The following ITPR3 variants were observed in gnomAD, a reference collection of about 807,000 sequenced individuals.
ITPR3 encodes the protein inositol 1,4,5-trisphosphate-gated calcium channel ITPR3.
In ITPR3, 173 loss-of-function variants were observed where a neutral mutation model predicts 293.2. The ratio of observed to expected loss-of-function variants is 0.59; its 90% CI spans 0.52 to 0.67. The LOEUF is 0.67. ITPR3 is among the 30% of genes least tolerant of loss of function. The pLI, the probability that ITPR3 is intolerant of heterozygous loss-of-function variation, is 0.00. For synonymous variants in ITPR3, 1,295 were observed against 1,444.4 expected, an observed-to-expected ratio of 0.90 and a Z score of 2.35; for missense variants, 2,796 against 3,592.1, an observed-to-expected ratio of 0.78 and a Z score of 5.66.
At chr6:33,641,919 T>C (rs1237709967) in intron 2 of ITPR3, among the ~76,000 whole-genome samples, 1 of 152,226 alleles carries the variant, frequency 6.6e-6, no homozygotes, top group Non-Finnish European at 1.5e-5. Flanking sequence ...TTTTTCTCTG[T>C]AGCATGAATC....
In ITPR3 at chr6:33,635,456, C is replaced by T. The variant is rs76227346; in HGVS notation, c.90-5028C>T. Among the ~76,000 whole-genome samples, 1,060 of 152,284 alleles carry T rather than the reference C, an allele frequency of 7.0e-3. 9 individuals carry two copies. The highest frequency in any genetic ancestry group is 0.011 in the Non-Finnish European group (735 of 68,022). On this transcript the variant is annotated intron_variant, in intron 1 of 57. Transcript: ENST00000605930. ...TTGTGTGTCCCCTCTCTGCACCAGACAGTGGTTTGGGTGCTGAGGATACGG... is the reference window on the plus strand; with the variant it reads ...TTGTGTGTCCCCTCTCTGCACCAGATAGTGGTTTGGGTGCTGAGGATACGG...
At chr6:33,694,563 GAGGA>G (rs377125407) in intron 56 of ITPR3, 12 of 262,906 alleles carry the variant, frequency 4.6e-5, no homozygotes, top group Non-Finnish European at 5.9e-5. Flanking sequence ...AGGCGGGCGG[GAGGA>G]AGGAAGGAAG....
In ITPR3 at chr6:33,671,398, C is replaced by T. The variant is rs369878572; in HGVS notation, c.2728+92C>T. The T allele has an allele frequency of 7.0e-5, 60 of 859,014 alleles. 1 individual carries two copies. In the African/African-American group the frequency reaches 8.4e-4, roughly 12 times the overall value. 53.2% of individuals were successfully genotyped at this position (859,014 alleles called of 1,614,324 possible). On this transcript the variant is annotated intron_variant, in intron 21 of 57. Coordinates refer to ENST00000605930, the MANE Select transcript of ITPR3 (RefSeq NM_002224.4). ...CTCAGATCAACACCTTCCCCAGCCCCGCATTCCCCCCACCCAACCTGGCTC... is the reference window on the plus strand; with the variant it reads ...CTCAGATCAACACCTTCCCCAGCCCTGCATTCCCCCCACCCAACCTGGCTC...
chr6:33,654,005 C>T lies in ITPR3; in HGVS notation c.161-1761C>T, dbSNP rs1422651396. ...ACTCTCTGCCGGGCGTGGTGGCTCA[C>T]GCCTGTAATCCCAGCACTTTTGTAG... On this transcript the variant is annotated intron_variant, in intron 2 of 57. Transcript: ENST00000605930. This position sits in a 1 kb window ranked among gnomAD's most constrained non-coding sequence, Gnocchi z 4.1. Among the ~76,000 whole-genome samples the T allele has an allele frequency of 2.6e-5, 4 of 152,182 alleles. No individual in the cohort carries two copies. Among genetic ancestry groups the T allele is most frequent in the African/African-American group, 4.8e-5 (2 of 41,434 alleles).
In ITPR3 at chr6:33,692,936, G is replaced by A. The variant is rs750358084; in HGVS notation, c.7624+43G>A. On this transcript the variant is annotated intron_variant, in intron 55 of 57. Transcript: ENST00000605930. This position sits in a 1 kb window ranked among gnomAD's most constrained non-coding sequence, Gnocchi z 4.2. ...CTCTGTGGAGGCCGCAGCGGGGCTGGAACGTCATCTGATGCCAGTGGCAGT... is the reference window on the plus strand; with the variant it reads ...CTCTGTGGAGGCCGCAGCGGGGCTGAAACGTCATCTGATGCCAGTGGCAGT... The A allele has an allele frequency of 1.2e-6, 2 of 1,601,014 alleles. No individual in the cohort carries two copies. The highest frequency in any genetic ancestry group is 1.1e-5 in the South Asian group (1 of 89,746).
rs1765137481 is a variant in ITPR3 at position 33,683,486 on chromosome 6, G to A, written c.4788+89G>A. The A allele has an allele frequency of 8.6e-7, 1 of 1,165,832 alleles. No homozygotes were observed. 72.2% of individuals were successfully genotyped at this position (1,165,832 alleles called of 1,614,324 possible). A position where few individuals can be genotyped will look rare whatever the true frequency, so the allele number is the denominator to read the frequency against. On this transcript the variant is annotated intron_variant, in intron 35 of 57. Coordinates refer to ENST00000605930, the MANE Select transcript of ITPR3 (RefSeq NM_002224.4). The surrounding 1 kb of genome is among the most constrained non-coding windows in gnomAD (Gnocchi z 4.5). The stretch of plus-strand genomic sequence containing the variant: ...CTTTGGAGGGGCAAGTTCTCGGGGA[G>A]TGTTTCTTCCTGTCCTGCCCACACT...
chr6:33,690,014 T>C lies in ITPR3; in HGVS notation c.6868-20T>C, dbSNP rs771037060. ...ATAGGTGGTAGGGTGCTGACTCTCA[T>C]GCCTTGCACTCGCCCCCAGCTGACC... On this transcript the variant is annotated intron_variant, in intron 50 of 57. Coordinates refer to ENST00000605930, the MANE Select transcript of ITPR3 (RefSeq NM_002224.4). The C allele has an allele frequency of 1.2e-6, 2 of 1,613,976 alleles. No homozygotes were observed.
rs2127321157 is a variant in ITPR3 at position 33,691,575 on chromosome 6, G to A, written c.7226-40G>A. On this transcript the variant is annotated intron_variant, in intron 52 of 57. Transcript: ENST00000605930. This position sits in a 1 kb window ranked among gnomAD's most constrained non-coding sequence, Gnocchi z 4.9. ...GGACAGAGCCAGGGGATAAGGCCAG[G>A]CACTGGACCTCCTGATGATCTCATC... 1 of 1,549,354 alleles carries A rather than the reference G, an allele frequency of 6.5e-7. No homozygotes were observed. The highest frequency in any genetic ancestry group is 8.9e-7 in the Non-Finnish European group (1 of 1,123,202).
intron 56 of ITPR3, 69 bp from the exon 57 acceptor site, chr6:33,694,855 C>T: frequency 1.3e-6 from 2 of 1,594,250 alleles, no homozygotes; most frequent in South Asian, 2.2e-5. Context: ...CCCCACATTA[C>T]TGTTTTTCTA....
At position 33,663,828 on chromosome 6, in the gene ITPR3, C is replaced by T; in HGVS notation, c.1096C>T (p.Leu366Phe). Reference protein sequence around the residue: ...AVPHGNDIASLFELDPTTLQK... With the variant: ...AVPHGNDIASFFELDPTTLQK... ...GCCTCATGGCAATGACATCGCCTCT[C>T]TCTTTGAGCTGGACCCCACCACCTT... is the stretch of plus-strand genomic sequence containing the variant. The change falls in exon 11 of 58, where the codon CTC becomes TTC. Residue 366 changes from leucine to phenylalanine, a missense_variant. This residue lies in a region of ITPR3 where 955 missense variants were observed against 1,180.8 expected (regional missense o/e 0.81). Transcript: ENST00000605930. 2 of 1,614,164 alleles carry T rather than the reference C, an allele frequency of 1.2e-6. No individual in the cohort carries two copies. Among genetic ancestry groups the T allele is most frequent in the Non-Finnish European group, 1.7e-6 (2 of 1,180,016 alleles).
chr6:33,687,332 C>G lies in ITPR3; in HGVS notation c.6177+5C>G. The G allele has an allele frequency of 6.3e-7, 1 of 1,599,562 alleles. No individual in the cohort carries two copies. The highest frequency in any genetic ancestry group is 8.6e-7 in the Non-Finnish European group (1 of 1,168,328). ...ATCTATATCCTGGCGCTGCAGGTACCAGTTCCACCCGTGGCAACGGCCATC... is the reference window on the plus strand; with the variant it reads ...ATCTATATCCTGGCGCTGCAGGTACGAGTTCCACCCGTGGCAACGGCCATC... On this transcript the variant is annotated splice_donor_5th_base_variant and intron_variant, in intron 45 of 57. Transcript: ENST00000605930. The surrounding 1 kb of genome is among the most constrained non-coding windows in gnomAD (Gnocchi z 5.3).
rs758574284 is a variant in ITPR3, at chr6:33,667,754, G to A, written c.1714-38G>A. The A allele has an allele frequency of 8.1e-6, 13 of 1,610,956 alleles. No individual in the cohort carries two copies. The highest frequency in any genetic ancestry group is 1.3e-5 in the African/African-American group (1 of 74,884). Reference sequence around the variant, plus strand: ...GCAGAGCTGGGCCCTTGGCCCACCTGTGACTCTCTGTGACCCCCAGCCTGT... The same window carrying A: ...GCAGAGCTGGGCCCTTGGCCCACCTATGACTCTCTGTGACCCCCAGCCTGT... On this transcript the variant is annotated intron_variant, in intron 15 of 57. Coordinates refer to ENST00000605930, the MANE Select transcript of ITPR3 (RefSeq NM_002224.4). This position sits in a 1 kb window ranked among gnomAD's most constrained non-coding sequence, Gnocchi z 4.4.
chr6:33,692,211 G>A lies in ITPR3; in HGVS notation c.7458+283G>A, dbSNP rs575251116. ...CTGGCTTTCCTAGCCCACAGCAGGT[G>A]GGCAGAGGGCGGAGCTGAGTCAGCT... On this transcript the variant is annotated intron_variant, in intron 54 of 57. Transcript: ENST00000605930. The surrounding 1 kb of genome is among the most constrained non-coding windows in gnomAD (Gnocchi z 4.2). Among the ~76,000 whole-genome samples the A allele has an allele frequency of 1.2e-4, 19 of 152,372 alleles. No homozygotes were observed. The South Asian group carries it at 3.3e-3, about 27-fold the overall frequency.
Position 33,687,806 on chromosome 6 carries a change from A to G in ITPR3, c.6264+242A>G, listed in dbSNP as rs941927411. On this transcript the variant is annotated intron_variant, in intron 46 of 57. Transcript: ENST00000605930. The surrounding 1 kb of genome is among the most constrained non-coding windows in gnomAD (Gnocchi z 5.3). ...AAGCTTCAAGCAGGACCCGGGCTACACTTGGGCAGGACTGAGGAGGCCCCC... is the reference window on the plus strand; with the variant it reads ...AAGCTTCAAGCAGGACCCGGGCTACGCTTGGGCAGGACTGAGGAGGCCCCC... Among the ~76,000 whole-genome samples, 1 of 152,130 alleles carries G rather than the reference A, an allele frequency of 6.6e-6. No individual in the cohort carries two copies. The highest frequency in any genetic ancestry group is 2.4e-5 in the African/African-American group (1 of 41,422).
At chr6:33,631,440 T>C (rs1034804392) in intron 1 of ITPR3, among the ~76,000 whole-genome samples, 1 of 152,162 alleles carries the variant, frequency 6.6e-6, no homozygotes, top group Non-Finnish European at 1.5e-5. Context: ...CCCTTTTAGG[T>C]AGCCGAAGCA....
At chr6:33,689,657 G>C (rs540684448) in intron 50 of ITPR3, among the ~76,000 whole-genome samples, 2 of 152,248 alleles carry the variant, frequency 1.3e-5, no homozygotes, top group Non-Finnish European at 2.9e-5. Flanking sequence ...ACAGGGTCAG[G>C]GTGGCTGTGC....
chr6:33,671,863 C>T (rs1244452189), intron 21 of ITPR3, among the ~76,000 whole-genome samples, 166 bp from the exon 22 acceptor site: 3 of 152,136 alleles, frequency 2.0e-5, no homozygotes, highest in African/African-American at 7.2e-5. Context: ...AGCTCATGTC[C>T]TCCAGGAAGC....
Position 33,667,549 on chromosome 6 carries a change from C to A in ITPR3, c.1714-243C>A, listed in dbSNP as rs1251223374. ...GGGCCCTACAAGTTATGTAGCCAATCCTTCCACACAAACAAGGTCCCTGCC... is the reference window on the plus strand; with the variant it reads ...GGGCCCTACAAGTTATGTAGCCAATACTTCCACACAAACAAGGTCCCTGCC... On this transcript the variant is annotated intron_variant, in intron 15 of 57. Coordinates refer to ENST00000605930, the MANE Select transcript of ITPR3 (RefSeq NM_002224.4). This position sits in a 1 kb window ranked among gnomAD's most constrained non-coding sequence, Gnocchi z 4.4. Among the ~76,000 whole-genome samples the A allele has an allele frequency of 6.6e-6, 1 of 152,224 alleles. No individual in the cohort carries two copies. The highest frequency in any genetic ancestry group is 1.5e-5 in the Non-Finnish European group (1 of 68,042).
rs1255645286 is a variant in ITPR3 at position 33,658,979 on chromosome 6, G to C, written c.529-42G>C. On this transcript the variant is annotated intron_variant, in intron 5 of 57. Coordinates refer to ENST00000605930, the MANE Select transcript of ITPR3 (RefSeq NM_002224.4). The surrounding 1 kb of genome is among the most constrained non-coding windows in gnomAD (Gnocchi z 6.1). ...GGCCTGGAGGCGTGGTGACAAGAGG[G>C]CCCTGCCCTTCCCACCTAACCTGTC... The C allele has an allele frequency of 6.2e-7, 1 of 1,606,228 alleles. No individual in the cohort carries two copies. Among genetic ancestry groups the C allele is most frequent in the South Asian group, 1.1e-5 (1 of 90,890 alleles).
Sources: allele counts gnomAD v4.1 joint callset (sites outside exome capture counted in the v4.1 genomes callset), GRCh38; gene constraint gnomAD v4.1.1; regional missense constraint gnomAD v4.1.1; non-coding constraint Gnocchi (gnomAD v3.1); transcripts MANE v1.5; gene names NCBI Gene and HGNC (gene_info 2026-07-23, HGNC 2026-07-21).